NUP210L: variants seen among roughly 807,000 people sequenced by gnomAD.
NUP210L encodes nuclear pore membrane glycoprotein 210-like.
In NUP210L, 74 loss-of-function variants were observed where a neutral mutation model predicts 208.5. The observed-to-expected ratio is 0.35, with a 90% CI of 0.29 to 0.43. The LOEUF (loss-of-function observed/expected upper bound fraction) is 0.43. Among genes scored for constraint, NUP210L ranks in the 20% least tolerant of loss-of-function variants. The pLI is 1.00. For missense variants in NUP210L, 1,843 were observed against 2,289.4 expected, an observed-to-expected ratio of 0.81 and a Z score of 3.98; for synonymous variants, 780 against 816.9, an observed-to-expected ratio of 0.95 and a Z score of 0.77.
At chr1:154,142,283 G>T (rs952537031) in intron 3 of NUP210L, among the ~76,000 whole-genome samples, 1 of 151,732 alleles carries the variant, frequency 6.6e-6, no homozygotes, top group Non-Finnish European at 1.5e-5. Context: ...GGGAAACTTG[G>T]CCTCACAGGA....
intron 27 of NUP210L, among the ~76,000 whole-genome samples, chr1:154,041,332 G>GTATT (rs963568520): frequency 6.6e-6 from 1 of 151,856 alleles, no homozygotes; most frequent in African/African-American, 2.4e-5. Flanking sequence ...ATGTATTTAT[G>GTATT]TATTTATTTA....
At chr1:154,084,486 A>G (rs1035713541) in intron 16 of NUP210L, among the ~76,000 whole-genome samples, 2 of 152,088 alleles carry the variant, frequency 1.3e-5, no homozygotes, top group South Asian at 2.1e-4. Flanking sequence ...TGCTGGGATT[A>G]GAAGCATGAG....
At chr1:154,033,435 G>A (rs1165032727) in intron 27 of NUP210L, among the ~76,000 whole-genome samples, 1 of 152,196 alleles carries the variant, frequency 6.6e-6, no homozygotes, top group Admixed American at 6.6e-5. Context: ...TATGGCGAGA[G>A]ATGGGGTGTA....
In NUP210L at chr1:154,046,288, C is replaced by T. The variant is rs1425151087; in HGVS notation, c.3564+1G>A. ...GCCCTGAACAGAGCCATCATACTGA[C>T]CTTGGTAGCTGTGATGAGCCGAGTT... On this transcript the variant is annotated splice_donor_variant, in intron 26 of 39. Transcript: ENST00000368559. LOFTEE classifies it high-confidence loss of function. 6.2e-7 allele frequency: 1 copy of T among 1,614,122 alleles called. No homozygotes were observed. The highest frequency in any genetic ancestry group is 1.7e-5 in the Admixed American group (1 of 60,014).
At position 154,138,265 on chromosome 1, in the gene NUP210L, AAAAC is replaced by A. The variant is rs772043307; in HGVS notation, c.718-31_718-28del. 1.2e-5 allele frequency: 18 copies of A among 1,522,476 alleles called. No individual in the cohort carries two copies. In the African/African-American group the frequency reaches 2.0e-4, roughly 17 times the overall value. 94.3% of individuals were successfully genotyped at this position (1,522,476 alleles called of 1,614,324 possible). ...TAAAAGAGGGAGGGAAGGAAAAAAA[AAAAC>A]AGTTTCCATGGACGGAACCCTCACA... On this transcript the variant is annotated intron_variant, in intron 5 of 39. Coordinates refer to ENST00000368559, the Ensembl canonical transcript of NUP210L.
chr1:154,065,545 T>C (rs927721015), intron 17 of NUP210L, among the ~76,000 whole-genome samples: 3 of 151,506 alleles, frequency 2.0e-5, no homozygotes, highest in African/African-American at 7.3e-5. Context: ...AATACAAGAG[T>C]CAAAGATAAA....
intron 38 of NUP210L, 24 bp from the exon 39 acceptor site, chr1:153,993,113 A>C: frequency 1.3e-6 from 2 of 1,586,118 alleles, no homozygotes; most frequent in Non-Finnish European, 8.6e-7. Flanking sequence ...AGGAAATGTC[A>C]CAAGGCATAT....
chr1:154,071,906 G>A (rs55838417), intron 16 of NUP210L, among the ~76,000 whole-genome samples: 1 of 151,992 alleles, frequency 6.6e-6, no homozygotes, highest in South Asian at 2.1e-4. Context: ...AAAGCGCTGA[G>A]ATTACGGGCG....
exon 7 of NUP210L, chr1:154,135,818 A>T: frequency 6.2e-7 from 1 of 1,613,822 alleles, no homozygotes; most frequent in Non-Finnish European, 8.5e-7. Flanking sequence ...GGATACTTTT[A>T]TGGACAAAGA....
intron 27 of NUP210L, among the ~76,000 whole-genome samples, chr1:154,036,107 A>G (rs1652528035): frequency 6.6e-6 from 1 of 151,884 alleles, no homozygotes. Context: ...ATTTGTTTCA[A>G]GAAATTTAAA....
rs780655215 is a variant in NUP210L, at chr1:154,141,446, A to G, written c.551T>C (p.Leu184Pro). Reference sequence around the variant, plus strand: ...TCAAGTTTACCTAATTTTGCTAGACAGTTCTTCTCTTGCTGACTCGTTGTC... The same window carrying G: ...TCAAGTTTACCTAATTTTGCTAGACGGTTCTTCTCTTGCTGACTCGTTGTC... Residue 184 changes from leucine to proline, a missense_variant, in exon 4 of 40, where the codon CTG becomes CCG. By Grantham distance (98) the Leu-to-Pro change is moderately conservative. This residue lies in a region of NUP210L where 542 missense variants were observed against 606.4 expected (regional missense o/e 0.89). Coordinates refer to ENST00000368559, the Ensembl canonical transcript of NUP210L. The G allele has an allele frequency of 4.4e-6, 7 of 1,605,050 alleles. No homozygotes were observed. The Admixed American group carries it at 1.2e-4, about 27-fold the overall frequency.
intron 16 of NUP210L, among the ~76,000 whole-genome samples, chr1:154,072,433 T>C (rs141372821): frequency 0.016 from 2,286 of 146,152 alleles, 23 homozygotes; most frequent in Admixed American, 0.03. Context: ...CCCGGGTTCA[T>C]GCCATTCTCC....
rs376596714 is a variant in NUP210L at position 154,075,858 on chromosome 1, T to G, written c.2362-5393A>C. Among the ~76,000 whole-genome samples, 5 of 151,712 alleles carry G rather than the reference T, an allele frequency of 3.3e-5. No individual in the cohort carries two copies. The East Asian group carries it at 7.7e-4, about 23-fold the overall frequency. On this transcript the variant is annotated intron_variant, in intron 16 of 39. Transcript: ENST00000368559. ...AGGCTGGAATGCAGTGATGCAATCATAGCTCACTGCATCCTCTGCCTCCTG... is the reference window on the plus strand; with the variant it reads ...AGGCTGGAATGCAGTGATGCAATCAGAGCTCACTGCATCCTCTGCCTCCTG...
At chr1:154,040,224 T>C (rs1388100170) in intron 27 of NUP210L, among the ~76,000 whole-genome samples, 1 of 151,972 alleles carries the variant, frequency 6.6e-6, no homozygotes, top group African/African-American at 2.4e-5. Context: ...AAGGAAAATG[T>C]ATGTTGGAAA....
chr1:154,115,194 T>C (rs1052549809), intron 12 of NUP210L, among the ~76,000 whole-genome samples: 1 of 152,188 alleles, frequency 6.6e-6, no homozygotes, highest in African/African-American at 2.4e-5. Context: ...TAAAAATAAT[T>C]AGATATCTTT....
chr1:154,044,470 T>G (rs1340221241), intron 27 of NUP210L, among the ~76,000 whole-genome samples: 1 of 151,560 alleles, frequency 6.6e-6, no homozygotes, highest in East Asian at 1.9e-4. Context: ...TGCATCAAAC[T>G]AAGTACAGTT....
intron 14 of NUP210L, among the ~76,000 whole-genome samples, chr1:154,098,629 G>A (rs1656298519): frequency 6.6e-6 from 1 of 152,128 alleles, no homozygotes; most frequent in South Asian, 2.1e-4. Flanking sequence ...AATGTCTTCT[G>A]CCCAGCTCCG....
intron 12 of NUP210L, among the ~76,000 whole-genome samples, chr1:154,111,408 TATAAATA>T (rs1657033698): frequency 6.6e-6 from 1 of 150,422 alleles, no homozygotes; most frequent in East Asian, 1.9e-4. Flanking sequence ...AAATAAAATA[TATAAATA>T]ATAAATAATA....
At chr1:154,094,980 C>T in exon 15 of NUP210L, 3 of 1,614,136 alleles carry the variant, frequency 1.9e-6, no homozygotes, top group Non-Finnish European at 2.5e-6. Context: ...TGTACTGGTT[C>T]TGTTTTCTCT....
Sources: allele counts gnomAD v4.1 joint callset (sites outside exome capture counted in the v4.1 genomes callset), GRCh38; gene constraint gnomAD v4.1.1; regional missense constraint gnomAD v4.1.1; transcripts MANE v1.5; gene names NCBI Gene and HGNC (gene_info 2026-07-23, HGNC 2026-07-21).